Variants in CCDC88C observed in about 807,000 individuals in gnomAD.
The protein encoded by CCDC88C is protein Daple.
A neutral mutation model predicts 198.8 loss-of-function variants in CCDC88C; 131 were observed. That is an observed-to-expected ratio of 0.66 (90% confidence interval 0.57 to 0.76). The LOEUF is 0.76. CCDC88C is among the 30% of genes least tolerant of loss of function. CCDC88C has a pLI of 0.00. For synonymous variants in CCDC88C, 1,166 were observed against 1,114.7 expected, an observed-to-expected ratio of 1.05 and a Z score of -0.92; for missense variants, 2,553 against 2,631.6, an observed-to-expected ratio of 0.97 and a Z score of 0.65.
intron 3 of CCDC88C, among the ~76,000 whole-genome samples, chr14:91,376,758 G>A (rs1884447322): frequency 6.6e-6 from 1 of 152,290 alleles, no homozygotes; most frequent in East Asian, 1.9e-4. Flanking sequence ...GGTAAGCCCA[G>A]TGTCGGTTCA....
chr14:91,390,858 C>A (rs1345123389), intron 3 of CCDC88C, among the ~76,000 whole-genome samples: 1 of 152,190 alleles, frequency 6.6e-6, no homozygotes, highest in East Asian at 1.9e-4. Flanking sequence ...ACAGGGGTCT[C>A]CAGAAAGGAA....
chr14:91,276,395 G>C (rs1889966628), intron 29 of CCDC88C, among the ~76,000 whole-genome samples: 7 of 152,242 alleles, frequency 4.6e-5, no homozygotes, highest in Admixed American at 4.6e-4. Context: ...AAGTGCTTGG[G>C]AAAGAGAAAT....
At chr14:91,361,650 T>C (rs1363858037) in intron 3 of CCDC88C, among the ~76,000 whole-genome samples, 3 of 152,212 alleles carry the variant, frequency 2.0e-5, no homozygotes, top group Non-Finnish European at 4.4e-5. Flanking sequence ...CAGCAACGGC[T>C]AATGCTTTCT....
In CCDC88C at chr14:91,339,713, C is replaced by T. The variant is rs1441977735; in HGVS notation, c.624+171G>A. 6.6e-6 allele frequency among the ~76,000 whole-genome samples: 1 copy of T among 152,176 alleles called. No homozygotes were observed. Among genetic ancestry groups the T allele is most frequent in the Non-Finnish European group, 1.5e-5 (1 of 68,016 alleles). ...TGATTCCCTGTATCCTCCCACAGGC[C>T]CGAGGTGACCATGCACTGCAGGGGC... is the stretch of plus-strand genomic sequence containing the variant. On this transcript the variant is annotated intron_variant, in intron 7 of 29. Coordinates refer to ENST00000389857, the MANE Select transcript of CCDC88C (RefSeq NM_001080414.4). The surrounding 1 kb of genome is among the most constrained non-coding windows in gnomAD (Gnocchi z 5.8).
chr14:91,367,694 C>CT (rs1326284320), intron 3 of CCDC88C, among the ~76,000 whole-genome samples: 2 of 152,134 alleles, frequency 1.3e-5, no homozygotes, highest in African/African-American at 2.4e-5. Flanking sequence ...CTGAGCTGGG[C>CT]TGTAGAGAAT....
chr14:91,331,336 C>T (rs559074930), intron 10 of CCDC88C, among the ~76,000 whole-genome samples: 3 of 152,310 alleles, frequency 2.0e-5, no homozygotes, highest in Admixed American at 2.0e-4. Flanking sequence ...ACCTTTTCCT[C>T]CTGAAGATGA....
chr14:91,313,538 T>C lies in CCDC88C; in HGVS notation c.2278A>G (p.Ser760Gly), dbSNP rs771078246. ...TTCTCAGCGCTCACGCTCTGGTAGC[T>C]GAGCTCCAGGCGCTCTGACTTCTTG... ...LGKKSERLELSYQSVSAENLR... is the reference protein window; with the variant it reads ...LGKKSERLELGYQSVSAENLR... Residue 760 changes from serine to glycine, a missense_variant, in exon 15 of 30, where the codon AGC (serine) becomes GGC (glycine). Physicochemically the swap from Ser to Gly is moderately conservative, Grantham distance 56 (BLOSUM62 0). Coordinates refer to ENST00000389857, the MANE Select transcript of CCDC88C (RefSeq NM_001080414.4). This position sits in a 1 kb window ranked among gnomAD's most constrained non-coding sequence, Gnocchi z 5.2. 1.1e-5 allele frequency: 18 copies of C among 1,610,314 alleles called. No homozygotes were observed. Among genetic ancestry groups the C allele is most frequent in the Non-Finnish European group, 1.5e-5 (18 of 1,179,860 alleles).
rs570938774 is a variant in CCDC88C, at chr14:91,412,899, T to G, written c.161+3839A>C. ...TAAAATTTCCCCTTTTATCCTAAGCTTCTACATCTGCAAAAGGGAAACATA... is the reference window on the plus strand; with the variant it reads ...TAAAATTTCCCCTTTTATCCTAAGCGTCTACATCTGCAAAAGGGAAACATA... On this transcript the variant is annotated intron_variant, in intron 2 of 29. Coordinates refer to ENST00000389857, the MANE Select transcript of CCDC88C (RefSeq NM_001080414.4). 4.1e-4 allele frequency among the ~76,000 whole-genome samples: 63 copies of G among 152,318 alleles called. 2 individuals are homozygous for G. The South Asian group carries it at 0.013, about 32-fold the overall frequency.
intron 22 of CCDC88C, among the ~76,000 whole-genome samples, chr14:91,296,490 A>T (rs1389037765): frequency 2.0e-5 from 3 of 152,204 alleles, no homozygotes; most frequent in Non-Finnish European, 2.9e-5. Flanking sequence ...TTCCACAGGC[A>T]GTGCCGTGGC....
At chr14:91,389,492 T>C (rs2139973908) in intron 3 of CCDC88C, among the ~76,000 whole-genome samples, 1 of 152,288 alleles carries the variant, frequency 6.6e-6, no homozygotes, top group East Asian at 1.9e-4. Flanking sequence ...TTTGCTATCC[T>C]AGGACTATCC....
chr14:91,348,618 C>G (rs1893652734), intron 4 of CCDC88C, among the ~76,000 whole-genome samples: 3 of 152,178 alleles, frequency 2.0e-5, no homozygotes, highest in Non-Finnish European at 4.4e-5. Context: ...TTCCCTCATT[C>G]ATCCCAACAC....
intron 28 of CCDC88C, 82 bp downstream of exon 28, chr14:91,279,156 T>C: frequency 8.4e-7 from 1 of 1,194,994 alleles, no homozygotes; most frequent in Non-Finnish European, 1.2e-6. Context: ...TGCTTGGCCC[T>C]CCCAAAGTGC....
chr14:91,376,539 C>G (rs1036646852), intron 3 of CCDC88C, among the ~76,000 whole-genome samples: 3 of 152,210 alleles, frequency 2.0e-5, no homozygotes, highest in Admixed American at 1.3e-4. Flanking sequence ...GAACACAGCC[C>G]TGGTGGGGCA....
At chr14:91,285,749 C>T (rs1343663456) in intron 25 of CCDC88C, 26 of 1,288,844 alleles carry the variant, frequency 2.0e-5, no homozygotes, top group Non-Finnish European at 2.4e-5. Context: ...GAACCGCAGG[C>T]GTTTAGAGAG....
At chr14:91,293,852 A>C (rs1035116296) in intron 23 of CCDC88C, among the ~76,000 whole-genome samples, 6 of 152,174 alleles carry the variant, frequency 3.9e-5, no homozygotes, top group African/African-American at 1.4e-4. Flanking sequence ...CCCAGCCTTC[A>C]GTTTGAATTC....
intron 4 of CCDC88C, among the ~76,000 whole-genome samples, chr14:91,354,377 C>G (rs1030785019): frequency 1.2e-4 from 19 of 152,240 alleles, no homozygotes; most frequent in Non-Finnish European, 2.5e-4. Flanking sequence ...GACCCCGGAG[C>G]TGGTCTAGCT....
chr14:91,304,017 C>A, intron 19 of CCDC88C, 39 bp from the exon 20 acceptor site: 1 of 1,581,566 alleles, frequency 6.3e-7, no homozygotes, highest in Non-Finnish European at 8.6e-7. Flanking sequence ...GCAGGCCCCA[C>A]AGTCAGCGAG....
rs764302276 is a variant in CCDC88C, at chr14:91,339,871, C to T, written c.624+13G>A. ...CTTCCCAGGCTGACCGGGCCACCGA[C>T]CCGCGGACGCACCTCGGTGCACTCG... On this transcript the variant is annotated intron_variant, in intron 7 of 29. Transcript: ENST00000389857. The surrounding 1 kb of genome is among the most constrained non-coding windows in gnomAD (Gnocchi z 5.8). 6.4e-6 allele frequency: 10 copies of T among 1,573,780 alleles called. No homozygotes were observed. The highest frequency in any genetic ancestry group is 8.6e-6 in the Non-Finnish European group (10 of 1,159,592).
chr14:91,338,085 G>A lies in CCDC88C; in HGVS notation c.970C>T (p.Arg324Cys), dbSNP rs749773290. Residue 324 changes from arginine to cysteine, a missense_variant, in exon 10 of 30, where the codon CGC (arginine) becomes TGC (cysteine). By Grantham distance (180) the Arg-to-Cys change is radical (BLOSUM62 -3). This residue lies in a region of CCDC88C where 1,260 missense variants were observed against 1,412.0 expected (regional missense o/e 0.89). Coordinates refer to ENST00000389857, the MANE Select transcript of CCDC88C (RefSeq NM_001080414.4). This position sits in a 1 kb window ranked among gnomAD's most constrained non-coding sequence, Gnocchi z 4.8. ...ELDSLREKAN[R>C]VERLELELTR... ...AGCTCCAGCTCCAGCCTCTCCACGC[G>A]GTTCGCCTTCTCCCGCAGGGAATCC... The A allele has an allele frequency of 8.1e-6, 13 of 1,613,756 alleles. No homozygotes were observed. Among genetic ancestry groups the A allele is most frequent in the East Asian group, 6.7e-5 (3 of 44,896 alleles).
Sources: gnomAD v4.1 joint callset for allele counts (sites outside exome capture counted in the v4.1 genomes callset) on GRCh38, gnomAD v4.1.1 for gene constraint, gnomAD v4.1.1 regional missense constraint, Gnocchi (gnomAD v3.1) non-coding constraint, MANE v1.5 for transcripts, NCBI Gene and HGNC (gene_info 2026-07-23, HGNC 2026-07-21) for gene names.